The following USP24 variants were observed in gnomAD, a reference collection of about 807,000 sequenced individuals.
USP24 encodes the protein ubiquitin carboxyl-terminal hydrolase 24.
A neutral mutation model predicts 361.6 loss-of-function variants in USP24; 97 were observed. That is an observed-to-expected ratio of 0.27 (90% CI 0.23 to 0.32). The LOEUF (loss-of-function observed/expected upper bound fraction) is 0.32, where lower values mean the gene tolerates loss of function less well. Ranked by LOEUF, USP24 falls within the 10% of genes least tolerant of loss-of-function variation. The pLI, the probability that USP24 is intolerant of heterozygous loss-of-function variation, is 1.00. For synonymous variants in USP24, 1,098 were observed against 1,124.6 expected, an observed-to-expected ratio of 0.98 and a Z score of 0.47; for missense variants, 2,353 against 3,165.6, an observed-to-expected ratio of 0.74 and a Z score of 6.16.
intron 45 of USP24, among the ~76,000 whole-genome samples, chr1:55,098,770 T>C (rs1645556512): frequency 6.6e-6 from 1 of 152,124 alleles, no homozygotes; most frequent in Non-Finnish European, 1.5e-5. Context: ...ATGGGTCAGG[T>C]AGAGCTAATG....
rs61760215 is a variant in USP24 at position 55,097,114 on chromosome 1, G to A, written c.5774C>T (p.Ser1925Phe). Residue 1925 changes from serine to phenylalanine, a missense_variant, in exon 49 of 68, where the codon TCT becomes TTT. Physicochemically the swap from Ser to Phe is radical, Grantham distance 155. Coordinates refer to ENST00000294383, the MANE Select transcript of USP24 (RefSeq NM_015306.3). ...YTVSGMARQD[S>F]SSEVGENGRS... ...CCCATTTTCCCCAACTTCAGAAGAA[G>A]AATCTTGGCGAGCCATTCCTGAAAC... 5.6e-5 allele frequency: 91 copies of A among 1,613,816 alleles called. No individual in the cohort carries two copies. The highest frequency in any genetic ancestry group is 7.5e-5 in the Non-Finnish European group (88 of 1,179,882).
chr1:55,159,134 C>A, intron 9 of USP24, 98 bp from the exon 10 acceptor site: 1 of 1,077,900 alleles, frequency 9.3e-7, no homozygotes, highest in South Asian at 3.2e-5. Flanking sequence ...TAACAGTGGT[C>A]TGGCAGTATC....
At chr1:55,075,386 G>T in intron 63 of USP24, 71 bp downstream of exon 63, 1 of 1,425,160 alleles carries the variant, frequency 7.0e-7, no homozygotes, top group Non-Finnish European at 9.6e-7. Context: ...GCAGGAGGCA[G>T]AACTGGCCAG....
intron 35 of USP24, 66 bp from the exon 36 acceptor site, chr1:55,123,668 T>C: frequency 7.0e-7 from 1 of 1,431,426 alleles, no homozygotes. Context: ...TTAATCTTTT[T>C]ACTATATGTT....
intron 8 of USP24, among the ~76,000 whole-genome samples, chr1:55,161,493 G>A (rs1648280330): frequency 6.6e-6 from 1 of 152,016 alleles, no homozygotes; most frequent in Non-Finnish European, 1.5e-5. Flanking sequence ...GGAAAGAACA[G>A]TGCATTTAAA....
rs748158537 is a variant in USP24, at chr1:55,100,977, GA to G, written c.5146-14del. 5 of 1,606,260 alleles carry G rather than the reference GA, an allele frequency of 3.1e-6. No individual in the cohort carries two copies. In the East Asian group the frequency reaches 1.1e-4, roughly 36 times the overall value. On this transcript the variant is annotated splice_polypyrimidine_tract_variant and intron_variant, in intron 43 of 67. Coordinates refer to ENST00000294383, the MANE Select transcript of USP24 (RefSeq NM_015306.3). ...CTGAAAGTAATGACTGCACAGAAAA[GA>G]AACATATCAAGCTTGAAATATTTAA...
intron 56 of USP24, 142 bp from the exon 57 acceptor site, chr1:55,084,030 T>C: frequency 3.0e-6 from 2 of 658,718 alleles, no homozygotes; most frequent in Non-Finnish European, 5.2e-6. Flanking sequence ...GGACTTATGC[T>C]TTGAAGAGCA....
chr1:55,116,852 A>G (rs1055969140), intron 38 of USP24, among the ~76,000 whole-genome samples: 3 of 152,198 alleles, frequency 2.0e-5, no homozygotes, highest in Non-Finnish European at 2.9e-5. Flanking sequence ...ATTCTATGAC[A>G]CCAGTATTAC....
chr1:55,158,167 G>A (rs1347259023), intron 10 of USP24, among the ~76,000 whole-genome samples: 2 of 152,224 alleles, frequency 1.3e-5, no homozygotes, highest in African/African-American at 4.8e-5. Context: ...ACAGAGTCCT[G>A]ACAGTGGTCA....
intron 1 of USP24, among the ~76,000 whole-genome samples, chr1:55,182,683 A>G (rs546939159): frequency 1.7e-4 from 26 of 152,192 alleles, no homozygotes; most frequent in African/African-American, 5.8e-4. Context: ...GTATAACCTG[A>G]ATCTAATAAT....
In USP24 at chr1:55,094,183, C is replaced by T; in HGVS notation, c.6204-96G>A. On this transcript the variant is annotated intron_variant, in intron 51 of 67. Transcript: ENST00000294383. Reference sequence around the variant, plus strand: ...CAAATTCACATAAACGGGTATTAGACTATTTGATTATTATACATGTATCGA... The same window carrying T: ...CAAATTCACATAAACGGGTATTAGATTATTTGATTATTATACATGTATCGA... 5 of 1,244,724 alleles carry T rather than the reference C, an allele frequency of 4.0e-6. No homozygotes were observed. The South Asian group carries it at 7.8e-5, about 19-fold the overall frequency. The allele number at this position is 1,244,724 out of a possible 1,614,324, so 77.1% of individuals were successfully genotyped here.
chr1:55,089,599 CT>C (rs1645330309), intron 55 of USP24, 27 bp downstream of exon 55: 2 of 1,479,048 alleles, frequency 1.4e-6, no homozygotes, highest in African/African-American at 2.8e-5. Context: ...ACACAAATTT[CT>C]TTTAATTAAA....
intron 36 of USP24, among the ~76,000 whole-genome samples, chr1:55,122,113 T>C (rs1646300075): frequency 6.6e-6 from 1 of 152,096 alleles, no homozygotes; most frequent in Non-Finnish European, 1.5e-5. Context: ...GGGGAGGAGA[T>C]AATGACAATA....
At chr1:55,208,240 C>T (rs540809096) in intron 1 of USP24, among the ~76,000 whole-genome samples, 1 of 152,290 alleles carries the variant, frequency 6.6e-6, no homozygotes, top group South Asian at 2.1e-4. Flanking sequence ...AGGTTTCTCA[C>T]TAGCAGACAA....
chr1:55,095,673 G>A (rs979511896), intron 50 of USP24, among the ~76,000 whole-genome samples: 1 of 152,140 alleles, frequency 6.6e-6, no homozygotes, highest in African/African-American at 2.4e-5. Flanking sequence ...GAGAAAGAAG[G>A]TAAGTATCCT....
rs1650161155 is a variant in USP24 at position 55,178,006 on chromosome 1, C to G, written c.451G>C (p.Gly151Arg). 6.4e-7 allele frequency: 1 copy of G among 1,551,552 alleles called. No individual in the cohort carries two copies. Among genetic ancestry groups the G allele is most frequent in the Non-Finnish European group, 8.7e-7 (1 of 1,146,982 alleles). Residue 151 changes from glycine to arginine, a missense_variant, in exon 2 of 68, where the codon GGC becomes CGC. Physicochemically the swap from Gly to Arg is moderately radical, Grantham distance 125 (BLOSUM62 -2). Coordinates refer to ENST00000294383, the MANE Select transcript of USP24 (RefSeq NM_015306.3). ...TAGGTAGATGCCAACAGGCATTTGCCTAGTGATTCTTCTCGCTTGTAAGGG... is the reference window on the plus strand; with the variant it reads ...TAGGTAGATGCCAACAGGCATTTGCGTAGTGATTCTTCTCGCTTGTAAGGG... ...SIPYKREESL[G>R]KCLLASTYLA... is the part of the protein sequence containing the mutation.
intron 54 of USP24, 87 bp from the exon 55 acceptor site, chr1:55,089,827 TTCTA>T (rs1347947619): frequency 7.0e-5 from 61 of 877,696 alleles, no homozygotes; most frequent in Non-Finnish European, 1.1e-4. Context: ...TTCTTATCCT[TTCTA>T]TCTATGAATG....
At position 55,157,603 on chromosome 1, in the gene USP24, T is replaced by C. The variant is rs572017866; in HGVS notation, c.1228-233A>G. Among the ~76,000 whole-genome samples the C allele has an allele frequency of 2.0e-5, 3 of 151,958 alleles. No individual in the cohort carries two copies. In the South Asian group the frequency reaches 6.2e-4, roughly 32 times the overall value. The stretch of plus-strand genomic sequence containing the variant: ...ATCCCAGCACATTGGGAGGCCAAGG[T>C]GGGTGGATCACTTTAGGTCAGGAGT... On this transcript the variant is annotated intron_variant, in intron 10 of 67. Transcript: ENST00000294383.
At chr1:55,116,690 A>G (rs1293645613) in intron 38 of USP24, among the ~76,000 whole-genome samples, 3 of 151,940 alleles carry the variant, frequency 2.0e-5, no homozygotes, top group Non-Finnish European at 2.9e-5. Flanking sequence ...CCAAAAAAAA[A>G]AAAAGAAAAG....
Sources: gnomAD v4.1 joint callset for allele counts (sites outside exome capture counted in the v4.1 genomes callset) on GRCh38, gnomAD v4.1.1 for gene constraint, MANE v1.5 for transcripts, NCBI Gene and HGNC (gene_info 2026-07-23, HGNC 2026-07-21) for gene names.